The following MED6 variants were observed in gnomAD, a reference collection of about 807,000 sequenced individuals.
MED6 encodes mediator complex subunit 6, also known as mediator of RNA polymerase II transcription subunit 6.
Under a neutral mutation model 37.5 loss-of-function variants are expected in MED6, and 33 were observed. The observed-to-expected ratio is 0.88, with a 90% confidence interval of 0.67 to 1.18. The LOEUF is 1.18. Ranked by LOEUF, MED6 falls within the 50% of genes most tolerant of loss-of-function variation. The pLI, the probability that MED6 is intolerant of heterozygous loss-of-function variation, is 0.00. For missense variants in MED6, 235 were observed against 290.6 expected (o/e 0.81, Z 1.39); for synonymous variants, 94 against 93.6 (o/e 1.00, Z -0.02).
chr14:70,592,627 C>A, intron 5 of MED6: 1 of 292,528 alleles, frequency 3.4e-6, no homozygotes, highest in Non-Finnish European at 6.6e-6. Context: ...CACACCTGGC[C>A]CCAAATATTT....
chr14:70,586,860 C>T (rs1884722994), intron 6 of MED6, among the ~76,000 whole-genome samples: 2 of 152,198 alleles, frequency 1.3e-5, no homozygotes, highest in Admixed American at 6.5e-5. Flanking sequence ...CCACAGAAGG[C>T]CTGAGGCTGC....
At chr14:70,588,935 C>T (rs943412917) in intron 6 of MED6, among the ~76,000 whole-genome samples, 1 of 151,958 alleles carries the variant, frequency 6.6e-6, no homozygotes, top group Middle Eastern at 3.2e-3. Context: ...CTTTCTATAA[C>T]GTCTAGCCTA....
chr14:70,585,032 T>C, intron 7 of MED6, 89 bp from the exon 8 acceptor site: 2 of 1,417,176 alleles, frequency 1.4e-6, no homozygotes, highest in South Asian at 1.3e-5. Context: ...CATTTTCAAA[T>C]TCATTTTTAA....
intron 6 of MED6, among the ~76,000 whole-genome samples, chr14:70,590,319 A>C (rs1566675092): frequency 1.3e-5 from 2 of 152,200 alleles, no homozygotes; most frequent in African/African-American, 4.8e-5. Context: ...TAATTCATTT[A>C]TTTATTTATT....
intron 1 of MED6, among the ~76,000 whole-genome samples, 186 bp downstream of exon 1, chr14:70,600,430 A>C (rs1595056889): frequency 7.3e-6 from 1 of 137,692 alleles, no homozygotes; most frequent in East Asian, 2.6e-4. Flanking sequence ...GAGACGCTCC[A>C]AGAACTCAGA....
chr14:70,596,776 A>G, intron 2 of MED6, 74 bp from the exon 3 acceptor site: 1 of 1,055,748 alleles, frequency 9.5e-7, no homozygotes, highest in Middle Eastern at 2.2e-4. Flanking sequence ...TCAAATTATT[A>G]TATAAAAATG....
intron 3 of MED6, chr14:70,594,552 A>G: frequency 2.5e-6 from 1 of 399,050 alleles, no homozygotes; most frequent in Non-Finnish European, 4.9e-6. Context: ...CCCAGACAGC[A>G]TGAGTTTCAC....
At chr14:70,595,192 G>A (rs1295799100) in intron 3 of MED6, 32 of 537,734 alleles carry the variant, frequency 6.0e-5, no homozygotes, top group Middle Eastern at 1.2e-3. Flanking sequence ...ATGAAGAACC[G>A]TGAAGAGGAA....
intron 3 of MED6, chr14:70,594,665 CG>C: frequency 2.2e-6 from 1 of 451,752 alleles, no homozygotes; most frequent in Non-Finnish European, 4.2e-6. Flanking sequence ...ATACAGGCAC[CG>C]GAGGCTCTGG....
Position 70,583,410 on chromosome 14 carries a change from T to C in MED6, c.*1403A>G, listed in dbSNP as rs1884605105. On this transcript the variant is annotated 3_prime_UTR_variant, in exon 8 of 8. Coordinates refer to ENST00000256379, the MANE Select transcript of MED6 (RefSeq NM_005466.4). ...TAAAAACATAAATGACAAAATTCAGTGGTAGCAATTCTGGAAAACCTGATA... is the reference window on the plus strand; with the variant it reads ...TAAAAACATAAATGACAAAATTCAGCGGTAGCAATTCTGGAAAACCTGATA... The C allele has an allele frequency of 6.6e-6, 1 of 152,224 alleles. No homozygotes were observed. Among genetic ancestry groups the C allele is most frequent in the Non-Finnish European group, 1.5e-5 (1 of 68,040 alleles). The allele number at this position is 152,224 out of a possible 1,614,324, so 9.4% of individuals were successfully genotyped here.
chr14:70,584,102 T>C lies in MED6; in HGVS notation c.*711A>G, dbSNP rs1025670576. 5 of 693,946 alleles carry C rather than the reference T, an allele frequency of 7.2e-6. No homozygotes were observed. The highest frequency in any genetic ancestry group is 2.1e-5 in the Admixed American group (1 of 46,796). 43.0% of individuals were successfully genotyped at this position (693,946 alleles called of 1,614,324 possible). On this transcript the variant is annotated 3_prime_UTR_variant, in exon 8 of 8. Coordinates refer to ENST00000256379, the MANE Select transcript of MED6 (RefSeq NM_005466.4). ...CTTCATCTTCCAAAATGTCAGCAAC[T>C]GTTTATTTTAATACTGAGGATTATG...
At chr14:70,587,216 A>G (rs940565174) in intron 6 of MED6, among the ~76,000 whole-genome samples, 2 of 152,214 alleles carry the variant, frequency 1.3e-5, no homozygotes, top group Non-Finnish European at 2.9e-5. Context: ...AGGAGAAAGT[A>G]TAAGAAAGCC....
chr14:70,595,074 G>C, intron 3 of MED6: 2 of 544,230 alleles, frequency 3.7e-6, no homozygotes, highest in Admixed American at 1.9e-5. Context: ...AGCTGGCCAT[G>C]TATCAGTCTG....
Position 70,584,101 on chromosome 14 carries a change from C to G in MED6, c.*712G>C, listed in dbSNP as rs1421469111. On this transcript the variant is annotated 3_prime_UTR_variant, in exon 8 of 8. Coordinates refer to ENST00000256379, the MANE Select transcript of MED6 (RefSeq NM_005466.4). ...TCTTCATCTTCCAAAATGTCAGCAA[C>G]TGTTTATTTTAATACTGAGGATTAT... 1 of 687,710 alleles carries G rather than the reference C, an allele frequency of 1.5e-6. No individual in the cohort carries two copies. The allele number at this position is 687,710 out of a possible 1,614,324, so 42.6% of individuals were successfully genotyped here.
chr14:70,591,537 T>TATAC (rs1171505696), intron 5 of MED6, 156 bp from the exon 6 acceptor site: 38 of 574,306 alleles, frequency 6.6e-5, no homozygotes, highest in Middle Eastern at 4.4e-4. Context: ...ACACAGCACA[T>TATAC]ATACAGAAGT....
At chr14:70,594,536 C>CGG in intron 3 of MED6, 1 of 374,482 alleles carries the variant, frequency 2.7e-6, no homozygotes, top group Non-Finnish European at 5.3e-6. Context: ...TCCTCTCACT[C>CGG]TCCTCCCCAG....
At chr14:70,600,499 C>A (rs530048093) in intron 1 of MED6, 117 bp downstream of exon 1, 36 of 1,160,714 alleles carry the variant, frequency 3.1e-5, no homozygotes, top group South Asian at 2.2e-4. Context: ...TCCACAAAAA[C>A]CACTCAAAAA....
chr14:70,595,304 C>T lies in MED6; in HGVS notation c.274+1307G>A, dbSNP rs1010609546. Reference sequence around the variant, plus strand: ...CAAGATCACAGGAGACATCCTAATACGAAGAGCTGGCTCAGAAGAACTGAG... The same window carrying T: ...CAAGATCACAGGAGACATCCTAATATGAAGAGCTGGCTCAGAAGAACTGAG... On this transcript the variant is annotated intron_variant, in intron 3 of 7. Transcript: ENST00000256379. The T allele has an allele frequency of 7.1e-5, 39 of 546,582 alleles. No individual in the cohort carries two copies. In the Middle Eastern group the frequency reaches 1.7e-3, roughly 24 times the overall value. The allele number at this position is 546,582 out of a possible 1,614,324, so 33.9% of individuals were successfully genotyped here. A position where few individuals can be genotyped will look rare whatever the true frequency, so the allele number is the denominator to read the frequency against.
At chr14:70,587,447 A>G (rs1884743851) in intron 6 of MED6, among the ~76,000 whole-genome samples, 2 of 152,158 alleles carry the variant, frequency 1.3e-5, no homozygotes, top group Admixed American at 1.3e-4. Flanking sequence ...AACATGTCCA[A>G]AGTAATTTTG....
Sources: allele counts gnomAD v4.1 joint callset (sites outside exome capture counted in the v4.1 genomes callset), GRCh38; gene constraint gnomAD v4.1.1; transcripts MANE v1.5; gene names NCBI Gene and HGNC (gene_info 2026-07-23, HGNC 2026-07-21).